ZNF486: variants seen among roughly 807,000 people sequenced by gnomAD.
ZNF486 encodes zinc finger protein 486, also known as KRAB box only protein 2.
Under a neutral mutation model 12.8 loss-of-function variants are expected in ZNF486, and 12 were observed. That is an observed-to-expected ratio of 0.94 (90% CI 0.60 to 1.52). ZNF486 has a LOEUF of 1.52. Ranked by LOEUF, ZNF486 falls within the 40% of genes most tolerant of loss-of-function variation. The probability of loss-of-function intolerance (pLI) is 0.00; values close to 1 mark genes in which losing one functional copy is unlikely to be tolerated. For synonymous variants in ZNF486, 231 were observed against 184.9 expected, an observed-to-expected ratio of 1.25 and a Z score of -2.02; for missense variants, 738 against 545.0, an observed-to-expected ratio of 1.35 and a Z score of -3.53.
intron 1 of ZNF486, among the ~76,000 whole-genome samples, chr19:20,178,740 T>C (rs2089751763): frequency 6.6e-6 from 1 of 152,204 alleles, no homozygotes; most frequent in African/African-American, 2.4e-5. Context: ...TTATCTATAG[T>C]CCTGTACATT....
chr19:20,178,400 C>T (rs1555715132), intron 1 of ZNF486, among the ~76,000 whole-genome samples: 1 of 152,070 alleles, frequency 6.6e-6, no homozygotes, highest in African/African-American at 2.4e-5. Flanking sequence ...CCCACCACCA[C>T]ACCTGGCTAA....
At position 20,195,670 on chromosome 19, in the gene ZNF486, G is replaced by A. The variant is rs553834681; in HGVS notation, c.254-1294G>A. 2.0e-4 allele frequency among the ~76,000 whole-genome samples: 30 copies of A among 152,276 alleles called. No homozygotes were observed. In the South Asian group the frequency reaches 6.0e-3, roughly 31 times the overall value. ...GTCCTGGCGTAGCATGAAATCAATT[G>A]TCTTGGCTAGAGATTCTGGGAATTT... On this transcript the variant is annotated intron_variant, in intron 3 of 3. Coordinates refer to ENST00000335117, the MANE Select transcript of ZNF486 (RefSeq NM_052852.4).
chr19:20,197,558 C>T lies in ZNF486; in HGVS notation c.848C>T (p.Thr283Ile), dbSNP rs1041649762. 7.5e-6 allele frequency: 12 copies of T among 1,610,312 alleles called. No homozygotes were observed. The highest frequency in any genetic ancestry group is 5.0e-5 in the Admixed American group (3 of 59,682). The change falls in exon 4 of 4, where the codon ACA becomes ATA. Residue 283 changes from threonine (T) to isoleucine (I), a missense_variant. Physicochemically the swap from Thr to Ile is moderately conservative, Grantham distance 89. Coordinates refer to ENST00000335117, the MANE Select transcript of ZNF486 (RefSeq NM_052852.4). ...TTTATGTACCCCTATACCCTTACTA[C>T]ACATAAGATAATCCATACTGGAGAG... ...KAFMYPYTLTTHKIIHTGEQP... is the reference protein window; with the variant it reads ...KAFMYPYTLTIHKIIHTGEQP...
intron 3 of ZNF486, among the ~76,000 whole-genome samples, chr19:20,189,623 C>T (rs1174463894): frequency 6.6e-6 from 1 of 151,906 alleles, no homozygotes; most frequent in African/African-American, 2.4e-5. Flanking sequence ...TGCTTTTTCC[C>T]ATTTGTGTAG....
rs577661162 is a variant in ZNF486, at chr19:20,188,384, A to G, written c.253+2302A>G. On this transcript the variant is annotated intron_variant, in intron 3 of 3. Transcript: ENST00000335117. ...ACATAAAATTTACCATCTTAATTCA[A>G]GTGTACATTTTCAGGGCCAGGCATG... is the stretch of plus-strand genomic sequence containing the variant. The G allele has an allele frequency of 1.5e-5, 6 of 398,532 alleles. No individual in the cohort carries two copies. The South Asian group carries it at 7.6e-4, about 51-fold the overall frequency. The allele number at this position is 398,532 out of a possible 1,614,324, so 24.7% of individuals were successfully genotyped here.
At chr19:20,169,440 T>A (rs893944862) in intron 1 of ZNF486, among the ~76,000 whole-genome samples, 21 of 152,106 alleles carry the variant, frequency 1.4e-4, no homozygotes, top group Admixed American at 1.2e-3. Context: ...TAGTTAGTTT[T>A]TTCTGGGGAG....
chr19:20,167,508 A>G (rs2089597701), intron 1 of ZNF486, 148 bp downstream of exon 1: 1 of 904,266 alleles, frequency 1.1e-6, no homozygotes, highest in East Asian at 2.6e-5. Flanking sequence ...CCCTTCAGCC[A>G]TAAGATGGTG....
chr19:20,183,594 A>G (rs2089809932), intron 1 of ZNF486, among the ~76,000 whole-genome samples: 1 of 152,206 alleles, frequency 6.6e-6, no homozygotes, highest in Non-Finnish European at 1.5e-5. Flanking sequence ...GAATTAGGAC[A>G]TCATAAAAAT....
Position 20,197,699 on chromosome 19 carries a change from C to T in ZNF486, c.989C>T (p.Ala330Val). 1 of 1,613,412 alleles carries T rather than the reference C, an allele frequency of 6.2e-7. No individual in the cohort carries two copies. Among genetic ancestry groups the T allele is most frequent in the Non-Finnish European group, 8.5e-7 (1 of 1,179,794 alleles). ...KPYTCDKCGKAFISSSILSKH... is the reference protein window; with the variant it reads ...KPYTCDKCGKVFISSSILSKH... ...TACACGTGTGATAAATGTGGCAAAG[C>T]CTTTATTTCATCCTCGATCCTTAGT... The change falls in exon 4 of 4, where the codon GCC becomes GTC. Residue 330 changes from alanine (A) to valine (V), a missense_variant. Coordinates refer to ENST00000335117, the MANE Select transcript of ZNF486 (RefSeq NM_052852.4).
At chr19:20,187,934 G>T (rs542501567) in intron 3 of ZNF486, among the ~76,000 whole-genome samples, 1 of 152,210 alleles carries the variant, frequency 6.6e-6, no homozygotes, top group East Asian at 1.9e-4. Context: ...CTGCACTAGG[G>T]TCCACCTTTA....
intron 3 of ZNF486, among the ~76,000 whole-genome samples, chr19:20,189,498 T>C (rs1334857001): frequency 1.3e-5 from 2 of 152,192 alleles, no homozygotes; most frequent in Non-Finnish European, 2.9e-5. Context: ...ATCAACAGAT[T>C]GGGTGTTTTT....
intron 3 of ZNF486, among the ~76,000 whole-genome samples, chr19:20,192,913 A>G (rs2089916149): frequency 6.6e-6 from 1 of 152,224 alleles, no homozygotes; most frequent in Non-Finnish European, 1.5e-5. Context: ...TACAATGAAT[A>G]AACAAATGAA....
intron 1 of ZNF486, among the ~76,000 whole-genome samples, chr19:20,177,419 C>T (rs2089731999): frequency 1.3e-5 from 2 of 152,192 alleles, no homozygotes; most frequent in African/African-American, 4.8e-5. Flanking sequence ...ACACAGATGG[C>T]CTCTTCAATT....
chr19:20,173,304 A>G (rs1164115265), intron 1 of ZNF486, among the ~76,000 whole-genome samples: 2 of 152,290 alleles, frequency 1.3e-5, no homozygotes, highest in East Asian at 1.9e-4. Context: ...TTCTAGCACC[A>G]TTTATTAAAG....
intron 1 of ZNF486, among the ~76,000 whole-genome samples, chr19:20,177,510 T>G (rs1555714987): frequency 6.6e-6 from 1 of 152,242 alleles, no homozygotes; most frequent in Non-Finnish European, 1.5e-5. Flanking sequence ...TTGACCATCT[T>G]TCTGTCATTG....
chr19:20,169,579 A>G (rs1223332276), intron 1 of ZNF486, among the ~76,000 whole-genome samples: 2 of 152,170 alleles, frequency 1.3e-5, no homozygotes, highest in East Asian at 3.9e-4. Context: ...GGAAACTGGG[A>G]GGGTCTTACT....
At chr19:20,171,579 G>C (rs1031983523) in intron 1 of ZNF486, among the ~76,000 whole-genome samples, 4 of 152,104 alleles carry the variant, frequency 2.6e-5, no homozygotes, top group Non-Finnish European at 4.4e-5. Flanking sequence ...CTAGGATCTG[G>C]GCCACATGTT....
At chr19:20,190,110 T>A (rs1381054010) in intron 3 of ZNF486, among the ~76,000 whole-genome samples, 3 of 152,216 alleles carry the variant, frequency 2.0e-5, no homozygotes, top group African/African-American at 7.2e-5. Flanking sequence ...TTTGATCATA[T>A]ATAGAAGGGT....
At chr19:20,183,234 A>T (rs1401166466) in intron 1 of ZNF486, among the ~76,000 whole-genome samples, 2 of 152,208 alleles carry the variant, frequency 1.3e-5, no homozygotes, top group Non-Finnish European at 1.5e-5. Flanking sequence ...GTGGATACTC[A>T]AGATTTCTGT....
Sources: allele counts gnomAD v4.1 joint callset (sites outside exome capture counted in the v4.1 genomes callset), GRCh38; gene constraint gnomAD v4.1.1; transcripts MANE v1.5; gene names NCBI Gene and HGNC (gene_info 2026-07-23, HGNC 2026-07-21).